ENPP3: variants seen among roughly 807,000 people sequenced by gnomAD.
The protein encoded by ENPP3 is ectonucleotide pyrophosphatase/phosphodiesterase 3, also known as ectonucleotide pyrophosphatase/phosphodiesterase family member 3.
ENPP3 carries 104 observed loss-of-function variants against 117.8 expected under a neutral mutation model. That is an observed-to-expected ratio of 0.88 (90% CI 0.75 to 1.04). The LOEUF (loss-of-function observed/expected upper bound fraction) is 1.04. ENPP3 is among the 50% of genes least tolerant of loss of function. ENPP3 has a pLI of 0.00. For synonymous variants in ENPP3, 380 were observed against 349.9 expected, an observed-to-expected ratio of 1.09 and a Z score of -0.96; for missense variants, 1,026 against 1,051.9, an observed-to-expected ratio of 0.98 and a Z score of 0.34.
At chr6:131,658,490 ACTTT>A in intron 6 of ENPP3, 70 bp downstream of exon 6, 1 of 830,982 alleles carries the variant, frequency 1.2e-6, no homozygotes. Context: ...AGAGGATGCA[ACTTT>A]CTTTCTGACT....
At chr6:131,729,119 T>C (rs1780220058) in intron 20 of ENPP3, among the ~76,000 whole-genome samples, 1 of 152,196 alleles carries the variant, frequency 6.6e-6, no homozygotes, top group Non-Finnish European at 1.5e-5. Context: ...TATCTGTCAA[T>C]CTACACACAT....
rs1164584097 is a variant in ENPP3, at chr6:131,683,159, C to T, written c.1117C>T (p.His373Tyr). 6.5e-7 allele frequency: 1 copy of T among 1,543,814 alleles called. No individual in the cohort carries two copies. The highest frequency in any genetic ancestry group is 1.7e-5 in the Admixed American group (1 of 57,264). Reference sequence around the variant, plus strand: ...TGTCAATATCATCCTTCTGGCTGACCATGGTATGCTTTTAAAAAACATTCT... The same window carrying T: ...TGTCAATATCATCCTTCTGGCTGACTATGGTATGCTTTTAAAAAACATTCT... ...NCVNIILLAD[H>Y]GMDQTYCNKM... The change falls in exon 12 of 25, where the codon CAT becomes TAT. Residue 373 changes from histidine to tyrosine, a missense_variant. His to Tyr is a moderately conservative substitution (Grantham distance 83, BLOSUM62 2). Coordinates refer to ENST00000357639, the MANE Select transcript of ENPP3 (RefSeq NM_005021.5).
At position 131,733,599 on chromosome 6, in the gene ENPP3, G is replaced by C. The variant is rs747888819; in HGVS notation, c.1965G>C (p.Ser655=). The C allele has an allele frequency of 6.2e-7, 1 of 1,612,318 alleles. No individual in the cohort carries two copies. The highest frequency in any genetic ancestry group is 1.1e-5 in the South Asian group (1 of 90,854). ...SYTVPQLGDT[S]PLPPTVPDCL... Reference sequence around the variant, plus strand: ...CTCTCTTTGAACAGGGAGACACATCGCCTCTGCCTCCCACTGTCCCAGACT... The same window carrying C: ...CTCTCTTTGAACAGGGAGACACATCCCCTCTGCCTCCCACTGTCCCAGACT... Residue 655 remains serine (S), a synonymous_variant, in exon 21 of 25, where the codon TCG becomes TCC. Transcript: ENST00000357639.
chr6:131,643,385 C>G (rs1301334303), intron 2 of ENPP3, among the ~76,000 whole-genome samples: 1 of 152,178 alleles, frequency 6.6e-6, no homozygotes, highest in Non-Finnish European at 1.5e-5. Flanking sequence ...CTCTTTCATT[C>G]ACTTTAGTAC....
intron 6 of ENPP3, among the ~76,000 whole-genome samples, chr6:131,664,958 GA>G (rs1331252512): frequency 6.6e-6 from 1 of 152,118 alleles, no homozygotes; most frequent in Admixed American, 6.5e-5. Flanking sequence ...CTTTTATCAT[GA>G]AAGGGTGTTG....
chr6:131,715,732 A>G (rs1247009042), intron 15 of ENPP3, among the ~76,000 whole-genome samples: 3 of 152,226 alleles, frequency 2.0e-5, no homozygotes, highest in African/African-American at 7.2e-5. Context: ...ATTTGGGGCC[A>G]ACTTCCACGC....
At chr6:131,729,155 T>G (rs1780220895) in intron 20 of ENPP3, among the ~76,000 whole-genome samples, 1 of 152,204 alleles carries the variant, frequency 6.6e-6, no homozygotes, top group Non-Finnish European at 1.5e-5. Flanking sequence ...AAAGCCTTTT[T>G]TCTTGTTTCT....
chr6:131,735,178 TA>T (rs199881598), intron 21 of ENPP3, among the ~76,000 whole-genome samples: 41,707 of 146,736 alleles, frequency 0.28, 9,911 homozygotes, highest in African/African-American at 0.64. Flanking sequence ...TCTTGTCAGT[TA>T]AAAAAAAAAA....
intron 18 of ENPP3, among the ~76,000 whole-genome samples, chr6:131,723,827 TCACACA>T (rs1554268188): frequency 3.4e-5 from 5 of 145,850 alleles, no homozygotes; most frequent in African/African-American, 1.3e-4. Context: ...TCTCTCTCTC[TCACACA>T]CACACACACA....
intron 24 of ENPP3, among the ~76,000 whole-genome samples, chr6:131,742,826 T>C (rs1379221375): frequency 6.6e-6 from 1 of 152,166 alleles, no homozygotes; most frequent in Non-Finnish European, 1.5e-5. Flanking sequence ...CTGCTAAAAA[T>C]TCCATCTGGG....
At chr6:131,667,774 A>G (rs754845972) in intron 6 of ENPP3, among the ~76,000 whole-genome samples, 1 of 152,080 alleles carries the variant, frequency 6.6e-6, no homozygotes, top group African/African-American at 2.4e-5. Flanking sequence ...TCACAAAGGG[A>G]ATTGATTTAT....
chr6:131,706,304 AC>A (rs1318187410), intron 15 of ENPP3, among the ~76,000 whole-genome samples: 2 of 136,160 alleles, frequency 1.5e-5, no homozygotes, highest in East Asian at 4.5e-4. Context: ...TACTGAGATT[AC>A]AGGTGTGAGC....
chr6:131,684,357 T>G (rs1779102628), intron 12 of ENPP3, among the ~76,000 whole-genome samples: 1 of 152,216 alleles, frequency 6.6e-6, no homozygotes, highest in Non-Finnish European at 1.5e-5. Context: ...TTGATGTACA[T>G]TTTGTTAAAA....
At position 131,675,092 on chromosome 6, in the gene ENPP3, G is replaced by A; in HGVS notation, c.775G>A (p.Ala259Thr). 1 of 1,611,728 alleles carries A rather than the reference G, an allele frequency of 6.2e-7. No homozygotes were observed. The highest frequency in any genetic ancestry group is 2.2e-5 in the East Asian group (1 of 44,846). Reference protein sequence around the residue: ...WWHGQPMWLTAMYQGLKAATY... With the variant: ...WWHGQPMWLTTMYQGLKAATY... ...AATTTTCTTACAGATGTGGCTGACAGCAATGTATCAAGGTTTAAAAGCCGC... is the reference window on the plus strand; with the variant it reads ...AATTTTCTTACAGATGTGGCTGACAACAATGTATCAAGGTTTAAAAGCCGC... Residue 259 changes from alanine to threonine, a missense_variant, in exon 9 of 25, where the codon GCA becomes ACA. Physicochemically the swap from Ala to Thr is moderately conservative, Grantham distance 58 (BLOSUM62 0). Coordinates refer to ENST00000357639, the MANE Select transcript of ENPP3 (RefSeq NM_005021.5).
intron 6 of ENPP3, among the ~76,000 whole-genome samples, chr6:131,667,476 A>G (rs543386130): frequency 1.3e-5 from 2 of 152,276 alleles, no homozygotes; most frequent in African/African-American, 4.8e-5. Context: ...TGTTCTTTGT[A>G]GCACACAGGG....
At chr6:131,686,663 C>A (rs1779159917) in intron 14 of ENPP3, among the ~76,000 whole-genome samples, 1 of 152,082 alleles carries the variant, frequency 6.6e-6, no homozygotes, top group Admixed American at 6.6e-5. Flanking sequence ...AACCCATACA[C>A]CTCCTCTTCC....
chr6:131,721,039 C>G (rs753447368), intron 17 of ENPP3, among the ~76,000 whole-genome samples: 3 of 152,114 alleles, frequency 2.0e-5, no homozygotes, highest in Non-Finnish European at 4.4e-5. Flanking sequence ...CTTGTAATTA[C>G]AGAGAGAAGC....
chr6:131,641,685 G>A (rs1196045678), intron 2 of ENPP3, among the ~76,000 whole-genome samples, 155 bp downstream of exon 2: 1 of 151,542 alleles, frequency 6.6e-6, no homozygotes, highest in East Asian at 1.9e-4. Flanking sequence ...CTTATCGGGA[G>A]TCCACATCTG....
intron 6 of ENPP3, among the ~76,000 whole-genome samples, chr6:131,670,674 A>G (rs1778720238): frequency 1.3e-5 from 2 of 151,974 alleles, no homozygotes; most frequent in African/African-American, 4.8e-5. Context: ...TAATTTTTAT[A>G]CAGAAATGGG....
Sources: allele counts gnomAD v4.1 joint callset (sites outside exome capture counted in the v4.1 genomes callset), GRCh38; gene constraint gnomAD v4.1.1; transcripts MANE v1.5; gene names NCBI Gene and HGNC (gene_info 2026-07-23, HGNC 2026-07-21).